Variants in SUMF1 observed in about 807,000 individuals in gnomAD.
SUMF1 encodes the protein sulfatase modifying factor 1.
A neutral mutation model predicts 47.6 loss-of-function variants in SUMF1; 48 were observed. The ratio of observed to expected loss-of-function variants is 1.01; its 90% CI spans 0.80 to 1.28. The LOEUF is 1.28. Ranked by LOEUF, SUMF1 falls within the 50% of genes most tolerant of loss-of-function variation. The pLI is 0.00. For synonymous variants in SUMF1, 230 were observed against 192.1 expected (o/e 1.20, Z -1.63); for missense variants, 571 against 485.4 (o/e 1.18, Z -1.66).
At chr3:4,163,380 AAGGGAGGGAGGGAGGG>A (rs1176844512) in intron 8 of SUMF1, among the ~76,000 whole-genome samples, 129 of 22,316 alleles carry the variant, frequency 5.8e-3, no homozygotes, top group South Asian at 0.026. Flanking sequence ...GGAAGGAAGG[AAGGGAGGGAGGGAGGG>A]AGGGAGGGAG....
chr3:4,233,799 A>C (rs535996028), intron 8 of SUMF1, among the ~76,000 whole-genome samples: 15 of 152,238 alleles, frequency 9.9e-5, no homozygotes, highest in African/African-American at 3.4e-4. Flanking sequence ...AAGCTTCAGA[A>C]AAAAGGGTAT....
At chr3:4,133,576 T>C (rs1000018727) in intron 8 of SUMF1, among the ~76,000 whole-genome samples, 1 of 152,090 alleles carries the variant, frequency 6.6e-6, no homozygotes, top group African/African-American at 2.4e-5. Context: ...ATCTAATCAG[T>C]TGCCTGTGCA....
intron 8 of SUMF1, among the ~76,000 whole-genome samples, chr3:4,090,905 C>A (rs1014234939): frequency 1.3e-5 from 2 of 151,812 alleles, no homozygotes; most frequent in Admixed American, 6.6e-5. Flanking sequence ...CACGGTGAAA[C>A]CTCATCTCTA....
intron 8 of SUMF1, among the ~76,000 whole-genome samples, chr3:4,211,030 T>C (rs1446821581): frequency 2.0e-5 from 3 of 149,364 alleles, no homozygotes; most frequent in Admixed American, 1.3e-4. Flanking sequence ...ACTGGTTTCC[T>C]TGCTCCTCAG....
intron 7 of SUMF1, among the ~76,000 whole-genome samples, chr3:4,388,123 G>A (rs1012611067): frequency 6.6e-6 from 1 of 152,018 alleles, no homozygotes; most frequent in Non-Finnish European, 1.5e-5. Context: ...TATCCTTGCT[G>A]AACTTCTGTC....
chr3:4,320,494 G>A (rs1698806114), intron 8 of SUMF1, among the ~76,000 whole-genome samples: 1 of 152,122 alleles, frequency 6.6e-6, no homozygotes, highest in African/African-American at 2.4e-5. Flanking sequence ...AGAAAAATAT[G>A]AGACTCAAAG....
At chr3:4,373,716 A>C (rs1316206902) in intron 8 of SUMF1, among the ~76,000 whole-genome samples, 1 of 152,230 alleles carries the variant, frequency 6.6e-6, no homozygotes, top group Non-Finnish European at 1.5e-5. Context: ...GAAGTCAGCA[A>C]TACCCTGAAA....
chr3:4,240,410 A>T lies in SUMF1; in HGVS notation c.1014+135920T>A, dbSNP rs144906098. On this transcript the variant is annotated intron_variant and NMD_transcript_variant, in intron 8 of 12. Transcript: ENST00000448413. The stretch of plus-strand genomic sequence containing the variant: ...TGGTCCTGGGCGTTTCTTGGATTAT[A>T]GCCTATATTTTAGTTAAAGTTTGTG... Among the ~76,000 whole-genome samples the T allele has an allele frequency of 5.7e-3, 865 of 152,158 alleles. 6 individuals carry two copies. Among genetic ancestry groups the T allele is most frequent in the African/African-American group, 0.02 (823 of 41,536 alleles).
chr3:4,363,586 G>A (rs941330317), intron 8 of SUMF1, among the ~76,000 whole-genome samples: 7 of 151,918 alleles, frequency 4.6e-5, no homozygotes, highest in African/African-American at 9.7e-5. Context: ...ATCCTGAGAC[G>A]TTGCTGAAGT....
intron 8 of SUMF1, among the ~76,000 whole-genome samples, chr3:4,272,156 G>A (rs925840931): frequency 1.3e-5 from 2 of 152,170 alleles, no homozygotes; most frequent in African/African-American, 4.8e-5. Flanking sequence ...TAAGGCAAGT[G>A]TAAATGTAAT....
chr3:4,381,310 G>C (rs1319979857), intron 7 of SUMF1, among the ~76,000 whole-genome samples: 1 of 152,104 alleles, frequency 6.6e-6, no homozygotes, highest in African/African-American at 2.4e-5. Context: ...GCATAAGAAT[G>C]ACACAATGGA....
intron 3 of SUMF1, among the ~76,000 whole-genome samples, chr3:4,432,099 T>A (rs948525268): frequency 6.6e-6 from 1 of 152,038 alleles, no homozygotes; most frequent in Non-Finnish European, 1.5e-5. Context: ...CAAGTTCTTT[T>A]TCCATCATCT....
At chr3:4,269,085 T>A (rs1697255719) in intron 8 of SUMF1, among the ~76,000 whole-genome samples, 1 of 152,148 alleles carries the variant, frequency 6.6e-6, no homozygotes, top group South Asian at 2.1e-4. Flanking sequence ...CCCAGATCAG[T>A]GATGATCCTT....
At chr3:4,453,981 A>AT (rs1703068252) in intron 1 of SUMF1, among the ~76,000 whole-genome samples, 1 of 151,920 alleles carries the variant, frequency 6.6e-6, no homozygotes, top group African/African-American at 2.4e-5. Context: ...TTCTTTATAC[A>AT]TTTTTTATTC....
intron 8 of SUMF1, among the ~76,000 whole-genome samples, chr3:4,354,323 G>T (rs965073966): frequency 1.3e-5 from 2 of 152,050 alleles, no homozygotes; most frequent in African/African-American, 4.8e-5. Context: ...AGACACCACA[G>T]AAAACCTTGA....
At chr3:4,044,818 T>G (rs1379547559) in intron 9 of SUMF1, among the ~76,000 whole-genome samples, 2 of 152,252 alleles carry the variant, frequency 1.3e-5, no homozygotes, top group African/African-American at 4.8e-5. Context: ...TCTTCACTAT[T>G]CTGTTTGGAA....
intron 8 of SUMF1, among the ~76,000 whole-genome samples, chr3:4,075,369 C>T (rs936305440): frequency 1.6e-4 from 25 of 151,936 alleles, no homozygotes; most frequent in African/African-American, 5.8e-4. Context: ...TATGATAAAC[C>T]CACAGACAAT....
At chr3:4,303,919 A>C in intron 8 of SUMF1, 1 of 1,200,386 alleles carries the variant, frequency 8.3e-7, no homozygotes, top group Non-Finnish European at 1.1e-6. Flanking sequence ...TGTCGTGCAT[A>C]AAAACAGCCC....
intron 8 of SUMF1, among the ~76,000 whole-genome samples, chr3:4,208,150 A>G (rs908387232): frequency 1.2e-4 from 18 of 152,126 alleles, no homozygotes; most frequent in Non-Finnish European, 2.6e-4. Context: ...GGGTTTTACC[A>G]GAGCCTACTT....
Sources: allele counts gnomAD v4.1 joint callset (sites outside exome capture counted in the v4.1 genomes callset), GRCh38; gene constraint gnomAD v4.1.1; transcripts MANE v1.5; gene names NCBI Gene and HGNC (gene_info 2026-07-23, HGNC 2026-07-21).